The following TRPA1 variants were observed in gnomAD, a reference collection of about 807,000 sequenced individuals.
The protein encoded by TRPA1 is transient receptor potential cation channel subfamily A member 1.
A neutral mutation model predicts 131.3 loss-of-function variants in TRPA1; 129 were observed. The observed-to-expected ratio is 0.98, with a 90% confidence interval of 0.85 to 1.14. The LOEUF is 1.14. TRPA1 is among the 50% of genes most tolerant of loss of function. The pLI, the probability that TRPA1 is intolerant of heterozygous loss-of-function variation, is 0.00. For missense variants in TRPA1, 1,304 were observed against 1,354.2 expected, an observed-to-expected ratio of 0.96 and a Z score of 0.58; for synonymous variants, 441 against 451.7, an observed-to-expected ratio of 0.98 and a Z score of 0.30.
intron 12 of TRPA1, 141 bp downstream of exon 12, chr8:72,055,295 T>C: frequency 2.8e-6 from 2 of 707,708 alleles, no homozygotes; most frequent in Non-Finnish European, 4.8e-6. Flanking sequence ...AAGTTACATA[T>C]GTTTTGATGA....
chr8:72,058,535 A>G lies in TRPA1; in HGVS notation c.994-719T>C, dbSNP rs373444958. Among the ~76,000 whole-genome samples, 169 of 152,300 alleles carry G rather than the reference A, an allele frequency of 1.1e-3. 1 individual carries two copies. Among genetic ancestry groups the G allele is most frequent in the Admixed American group, 2.2e-3 (34 of 15,300 alleles). ...TATTTCTTTGTTCTTTTGGGGCCCA[A>G]TGAATATAGATGACAATGGGGGCAG... On this transcript the variant is annotated intron_variant, in intron 8 of 26. Transcript: ENST00000262209.
intron 9 of TRPA1, 104 bp downstream of exon 9, chr8:72,057,613 A>G: frequency 1.1e-6 from 1 of 907,716 alleles, no homozygotes; most frequent in South Asian, 1.3e-5. Context: ...CCTGGCACAC[A>G]ATAGATGGTG....
At chr8:72,087,063 A>G in the TRPA1 span, among the ~76,000 whole-genome samples, 2 of 152,124 alleles carry the variant, frequency 1.3e-5, no homozygotes, top group East Asian at 3.9e-4. Context: ...TACTTCTTTG[A>G]AGGCTCACCT....
intron 8 of TRPA1, 77 bp downstream of exon 8, chr8:72,059,313 A>G: frequency 9.7e-7 from 1 of 1,026,438 alleles, no homozygotes; most frequent in South Asian, 1.6e-5. Flanking sequence ...TCATTTTTGA[A>G]AATCCATATT....
At chr8:72,032,140 G>GT (rs1811848428) in intron 23 of TRPA1, among the ~76,000 whole-genome samples, 1 of 152,190 alleles carries the variant, frequency 6.6e-6, no homozygotes, top group African/African-American at 2.4e-5. Flanking sequence ...AAAGATCTTG[G>GT]TAAGATCCAG....
chr8:72,050,731 A>G (rs1232889266), intron 15 of TRPA1, 47 bp downstream of exon 15: 3 of 1,230,944 alleles, frequency 2.4e-6, no homozygotes, highest in African/African-American at 3.0e-5. Flanking sequence ...TTACAACAAC[A>G]TATGTCAAGC....
chr8:72,080,965 G>T, the TRPA1 span, among the ~76,000 whole-genome samples: 1 of 151,308 alleles, frequency 6.6e-6, no homozygotes, highest in Non-Finnish European at 1.5e-5. Context: ...TATCAGTTTT[G>T]TTGATTGTTT....
intron 26 of TRPA1, 42 bp downstream of exon 26, chr8:72,023,772 G>T: frequency 8.7e-7 from 1 of 1,149,034 alleles, no homozygotes; most frequent in Non-Finnish European, 1.3e-6. Flanking sequence ...TTATTTATGA[G>T]TTTTAAATTT....
intron 2 of TRPA1, among the ~76,000 whole-genome samples, chr8:72,070,236 C>T (rs1056182399): frequency 6.6e-6 from 1 of 152,130 alleles, no homozygotes; most frequent in African/African-American, 2.4e-5. Context: ...GTACTTGGAA[C>T]CATATAGCCA....
chr8:72,071,721 G>T lies in TRPA1; in HGVS notation c.258C>A (p.Ser86=). 1 of 1,613,690 alleles carries T rather than the reference G, an allele frequency of 6.2e-7. No homozygotes were observed. Among genetic ancestry groups the T allele is most frequent in the Non-Finnish European group, 8.5e-7 (1 of 1,179,802 alleles). The part of the protein sequence containing the change: ...IELMEKITRD[S]SLEVLHEMDD... The stretch of plus-strand genomic sequence containing the variant: ...GTAATATTTTGTTACCTTCCAAAGA[G>T]GAATCTCTGGTGATCTTCTCCATTA... Residue 86 remains serine, a synonymous_variant, in exon 2 of 27, where the codon TCC becomes TCA. Transcript: ENST00000262209.
At chr8:72,073,564 G>C (rs1361506447) in intron 1 of TRPA1, among the ~76,000 whole-genome samples, 4 of 152,176 alleles carry the variant, frequency 2.6e-5, no homozygotes, top group Admixed American at 1.3e-4. Flanking sequence ...AACTACTACA[G>C]TTAATGAAAT....
chr8:72,057,917 A>C, intron 8 of TRPA1, 101 bp from the exon 9 acceptor site: 1 of 885,628 alleles, frequency 1.1e-6, no homozygotes, highest in South Asian at 1.4e-5. Flanking sequence ...CAGAGTGTCT[A>C]TATTATGGCT....
At position 72,033,769 on chromosome 8, in the gene TRPA1, C is replaced by G; in HGVS notation, c.2743G>C (p.Asp915His). ...IIQTFSMMLG[D>H]INYRESFLEP... is the part of the protein sequence containing the mutation. ...AGGAAGGACTCTCGATAATTGATAT[C>G]TCCTAGCATCATGCTGAAGGTCTGG... Residue 915 changes from aspartate to histidine, a missense_variant, in exon 23 of 27, where the codon GAT (aspartate) becomes CAT (histidine). Physicochemically the swap from Asp to His is moderately conservative, Grantham distance 81 (BLOSUM62 -1). Coordinates refer to ENST00000262209, the MANE Select transcript of TRPA1 (RefSeq NM_007332.3). 3.1e-6 allele frequency: 5 copies of G among 1,614,026 alleles called. No individual in the cohort carries two copies. Among genetic ancestry groups the G allele is most frequent in the Non-Finnish European group, 4.2e-6 (5 of 1,179,936 alleles).
intron 23 of TRPA1, among the ~76,000 whole-genome samples, chr8:72,030,622 A>G (rs1199401802): frequency 6.6e-6 from 1 of 152,130 alleles, no homozygotes; most frequent in Admixed American, 6.5e-5. Flanking sequence ...TTTTTTTTAA[A>G]TGAGAGGGAT....
chr8:72,055,814 A>T lies in TRPA1; in HGVS notation c.1236T>A (p.Asp412Glu). ...IKELVMDEDN[D>E]GCTPLHYACR... ...ATGCATAATGTAGAGGAGTACACCC[A>T]TCGTTGTCTTCATCCATTACCAGCT... Residue 412 changes from aspartate to glutamate, a missense_variant, in exon 11 of 27, where the codon GAT (aspartate) becomes GAA (glutamate). Asp to Glu is a conservative substitution (Grantham distance 45). Transcript: ENST00000262209. 1 of 1,613,482 alleles carries T rather than the reference A, an allele frequency of 6.2e-7. No homozygotes were observed. Among genetic ancestry groups the T allele is most frequent in the Non-Finnish European group, 8.5e-7 (1 of 1,179,618 alleles).
rs1563396729 is a variant in TRPA1 at position 72,054,104 on chromosome 8, A to G, written c.1530-237T>C. On this transcript the variant is annotated intron_variant, in intron 12 of 26. Transcript: ENST00000262209. The stretch of plus-strand genomic sequence containing the variant: ...TTTTTACTTAGTGGTTTAAAATATG[A>G]AAGTATATAAACACATTACCAAACA... The G allele has an allele frequency of 5.7e-6, 3 of 530,724 alleles. No homozygotes were observed. In the East Asian group the frequency reaches 1.0e-4, roughly 18 times the overall value. The allele number at this position is 530,724 out of a possible 1,614,324, so 32.9% of individuals were successfully genotyped here. A position where few individuals can be genotyped will look rare whatever the true frequency, so the allele number is the denominator to read the frequency against.
At chr8:72,033,892 G>T in intron 22 of TRPA1, 66 bp from the exon 23 acceptor site, 3 of 1,457,398 alleles carry the variant, frequency 2.1e-6, no homozygotes, top group Non-Finnish European at 2.9e-6. Context: ...GTTTCCTGGA[G>T]GTAGAATGAT....
chr8:72,074,289 G>C (rs1242495398), intron 1 of TRPA1, among the ~76,000 whole-genome samples: 2 of 152,192 alleles, frequency 1.3e-5, no homozygotes, highest in Non-Finnish European at 2.9e-5. Context: ...TATGAAGCTG[G>C]TAAAAAGAGT....
rs757099073 is a variant in TRPA1, at chr8:72,063,577, A to G, written c.553-6T>C. On this transcript the variant is annotated splice_polypyrimidine_tract_variant and splice_region_variant and intron_variant, in intron 4 of 26. Coordinates refer to ENST00000262209, the MANE Select transcript of TRPA1 (RefSeq NM_007332.3). ...GGCTTAGCTCCTTTTTTAAGCTGGA[A>G]GAAAAGACAAAATGAAAAATGACAC... is the stretch of plus-strand genomic sequence containing the variant. The G allele has an allele frequency of 6.2e-7, 1 of 1,601,066 alleles. No homozygotes were observed.
Sources: gnomAD v4.1 joint callset for allele counts (sites outside exome capture counted in the v4.1 genomes callset) on GRCh38, gnomAD v4.1.1 for gene constraint, MANE v1.5 for transcripts, NCBI Gene and HGNC (gene_info 2026-07-23, HGNC 2026-07-21) for gene names.